Variants in PRICKLE1 observed in about 807,000 individuals in gnomAD.
PRICKLE1 encodes the protein prickle-like protein 1.
Under a neutral mutation model 70.2 loss-of-function variants are expected in PRICKLE1, and 14 were observed. That is an observed-to-expected ratio of 0.20 (90% confidence interval 0.13 to 0.31). The LOEUF is 0.31. Ranked by LOEUF, PRICKLE1 falls within the 10% of genes least tolerant of loss-of-function variation. PRICKLE1 has a pLI of 1.00. For synonymous variants in PRICKLE1, 357 were observed against 379.9 expected, an observed-to-expected ratio of 0.94 and a Z score of 0.70; for missense variants, 821 against 1,026.2, an observed-to-expected ratio of 0.80 and a Z score of 2.73.
rs886049381 is a variant in PRICKLE1, at chr12:42,589,703, G to C, written c.-287C>G. 6.0e-5 allele frequency: 9 copies of C among 150,962 alleles called. No homozygotes were observed. The highest frequency in any genetic ancestry group is 1.0e-4 in the Non-Finnish European group (7 of 67,688). The allele number at this position is 150,962 out of a possible 1,614,324, so 9.4% of individuals were successfully genotyped here. On this transcript the variant is annotated 5_prime_UTR_variant, in exon 1 of 8. Transcript: ENST00000345127. This position sits in a 1 kb window ranked among gnomAD's most constrained non-coding sequence, Gnocchi z 5.0. ...TCCGGGCGCGCTGTCGGGCGGCGGC[G>C]GCCGCGGGAGACGGCGCTGGCAGCT...
chr12:42,577,241 A>C (rs1455356555), intron 1 of PRICKLE1, among the ~76,000 whole-genome samples: 1 of 152,198 alleles, frequency 6.6e-6, no homozygotes, highest in Non-Finnish European at 1.5e-5. Context: ...GCATAAACAT[A>C]AGTATGCCAC....
Position 42,464,926 on chromosome 12 carries a change from T to G in PRICKLE1, c.1108A>C (p.Thr370Pro). 1 of 1,614,090 alleles carries G rather than the reference T, an allele frequency of 6.2e-7. No individual in the cohort carries two copies. Among genetic ancestry groups the G allele is most frequent in the African/African-American group, 1.3e-5 (1 of 74,998 alleles). Residue 370 changes from threonine (T) to proline (P), a missense_variant, in exon 7 of 8, where the codon ACC (threonine) becomes CCC (proline). By Grantham distance (38) the Thr-to-Pro change is conservative. Coordinates refer to ENST00000345127, the MANE Select transcript of PRICKLE1 (RefSeq NM_153026.3). The surrounding 1 kb of genome is among the most constrained non-coding windows in gnomAD (Gnocchi z 4.2). ...FPGLSGNADD[T>P]LSRKLDDLSL... is the part of the protein sequence containing the mutation. ...AGATCATCCAATTTTCGAGAAAGGG[T>G]GTCATCAGCATTGCCTGAGAGGCCA...
At chr12:42,482,499 C>G (rs944716021) in intron 1 of PRICKLE1, among the ~76,000 whole-genome samples, 6 of 152,124 alleles carry the variant, frequency 3.9e-5, no homozygotes, top group African/African-American at 1.4e-4. Context: ...AACAGTGGCC[C>G]GAGGAAACGG....
chr12:42,542,103 T>C (rs1489775819), intron 1 of PRICKLE1, among the ~76,000 whole-genome samples: 2 of 152,172 alleles, frequency 1.3e-5, no homozygotes, highest in African/African-American at 2.4e-5. Context: ...TTCAGCAGCC[T>C]AGTAAGGAGC....
chr12:42,470,063 C>T (rs1210691957), intron 3 of PRICKLE1, 183 bp downstream of exon 3: 1 of 600,870 alleles, frequency 1.7e-6, no homozygotes, highest in African/African-American at 1.8e-5. Flanking sequence ...GTTTATTACA[C>T]TGATACTCTT....
intron 1 of PRICKLE1, among the ~76,000 whole-genome samples, chr12:42,543,211 C>T (rs1162657026): frequency 6.6e-6 from 1 of 152,164 alleles, no homozygotes; most frequent in African/African-American, 2.4e-5. Flanking sequence ...GAAGACACCC[C>T]TTTATTTCCT....
chr12:42,481,526 G>A (rs891784120), intron 1 of PRICKLE1, among the ~76,000 whole-genome samples: 1 of 152,200 alleles, frequency 6.6e-6, no homozygotes, highest in Non-Finnish European at 1.5e-5. Context: ...GGTGTCCCCT[G>A]CTGCTAAGTG....
intron 1 of PRICKLE1, among the ~76,000 whole-genome samples, chr12:42,555,379 T>C (rs1940397456): frequency 6.6e-6 from 1 of 152,174 alleles, no homozygotes. Flanking sequence ...GGCCCAACTA[T>C]TTTGGGGTTA....
intron 1 of PRICKLE1, among the ~76,000 whole-genome samples, chr12:42,481,374 T>C (rs1566094094): frequency 6.6e-6 from 1 of 152,332 alleles, no homozygotes; most frequent in South Asian, 2.1e-4. Flanking sequence ...CTAGTTCCTA[T>C]ATGAAGACTA....
chr12:42,470,710 A>C (rs1290131927), intron 2 of PRICKLE1, among the ~76,000 whole-genome samples: 7 of 152,188 alleles, frequency 4.6e-5, no homozygotes, highest in Non-Finnish European at 1.0e-4. Context: ...GTTCGAGACC[A>C]GCCTGACCAA....
intron 1 of PRICKLE1, among the ~76,000 whole-genome samples, chr12:42,519,289 T>G (rs1939667245): frequency 1.4e-5 from 2 of 143,132 alleles, no homozygotes; most frequent in Non-Finnish European, 3.0e-5. Context: ...CTCTACCTCC[T>G]GGGTTCAAGT....
At chr12:42,536,805 A>G (rs1940023311) in intron 1 of PRICKLE1, among the ~76,000 whole-genome samples, 1 of 152,006 alleles carries the variant, frequency 6.6e-6, no homozygotes, top group African/African-American at 2.4e-5. Context: ...CCACCCTTTC[A>G]TCTTGAAGAG....
chr12:42,587,405 A>G (rs769229999), intron 1 of PRICKLE1, among the ~76,000 whole-genome samples: 4 of 152,116 alleles, frequency 2.6e-5, no homozygotes, highest in Non-Finnish European at 4.4e-5. Flanking sequence ...ATACTACATT[A>G]GCCATGACTT....
intron 1 of PRICKLE1, among the ~76,000 whole-genome samples, chr12:42,587,971 T>C (rs1257120879): frequency 6.6e-6 from 1 of 152,086 alleles, no homozygotes; most frequent in African/African-American, 2.4e-5. Context: ...TTCTAGAGTC[T>C]GAAAACAGAC....
chr12:42,463,682 T>C (rs1465971262), intron 7 of PRICKLE1: 1 of 152,382 alleles, frequency 6.6e-6, no homozygotes, highest in African/African-American at 2.4e-5. Context: ...ACTGCGCCAT[T>C]GCACTCCATC....
chr12:42,545,132 TA>T (rs1378394462), intron 1 of PRICKLE1, among the ~76,000 whole-genome samples: 1 of 152,082 alleles, frequency 6.6e-6, no homozygotes, highest in African/African-American at 2.4e-5. Flanking sequence ...GCCTCCTGAG[TA>T]GCTGGGACTA....
chr12:42,543,660 C>T lies in PRICKLE1; in HGVS notation c.-49+45805G>A, dbSNP rs1289633470. On this transcript the variant is annotated intron_variant, in intron 1 of 7. Coordinates refer to ENST00000345127, the MANE Select transcript of PRICKLE1 (RefSeq NM_153026.3). ...CCCTCAGCCTCCTGAGTAGCTGGGACTACAGGTACCCACCCCCATGCCCAG... is the reference window on the plus strand; with the variant it reads ...CCCTCAGCCTCCTGAGTAGCTGGGATTACAGGTACCCACCCCCATGCCCAG... Among the ~76,000 whole-genome samples the T allele has an allele frequency of 5.9e-5, 9 of 152,224 alleles. No homozygotes were observed. The East Asian group carries it at 1.5e-3, about 26-fold the overall frequency.
chr12:42,549,337 G>A (rs1429422865), intron 1 of PRICKLE1, among the ~76,000 whole-genome samples: 8 of 152,024 alleles, frequency 5.3e-5, no homozygotes, highest in Admixed American at 2.0e-4. Context: ...TAAGGAATTC[G>A]CATGACTACA....
rs1439799236 is a variant in PRICKLE1, at chr12:42,459,291, A to G, written c.*518T>C. On this transcript the variant is annotated 3_prime_UTR_variant, in exon 8 of 8. Transcript: ENST00000345127. Reference sequence around the variant, plus strand: ...TTCAATCTGTAGCTGGCGCTGATACAATACAATGTTTACCTGGCCAAAGAG... The same window carrying G: ...TTCAATCTGTAGCTGGCGCTGATACGATACAATGTTTACCTGGCCAAAGAG... 1.4e-6 allele frequency: 1 copy of G among 702,372 alleles called. No homozygotes were observed. The highest frequency in any genetic ancestry group is 2.6e-6 in the Non-Finnish European group (1 of 384,952). The allele number at this position is 702,372 out of a possible 1,614,324, so 43.5% of individuals were successfully genotyped here.
Sources: allele counts gnomAD v4.1 joint callset (sites outside exome capture counted in the v4.1 genomes callset), GRCh38; gene constraint gnomAD v4.1.1; non-coding constraint Gnocchi (gnomAD v3.1); transcripts MANE v1.5; gene names NCBI Gene and HGNC (gene_info 2026-07-23, HGNC 2026-07-21).